The following UPP2 variants were observed in gnomAD, a reference collection of about 807,000 sequenced individuals.
UPP2 encodes UPase 2.
A neutral mutation model predicts 26.7 loss-of-function variants in UPP2; 23 were observed. The observed-to-expected ratio is 0.86, with a 90% CI of 0.62 to 1.22. The LOEUF (loss-of-function observed/expected upper bound fraction) is 1.22, where lower values mean the gene tolerates loss of function less well. Among genes scored for constraint, UPP2 ranks in the 50% most tolerant of loss-of-function variants. The probability of loss-of-function intolerance (pLI) is 0.00; values close to 1 mark genes in which losing one functional copy is unlikely to be tolerated. For synonymous variants in UPP2, 127 were observed against 141.3 expected (o/e 0.90, Z 0.72); for missense variants, 387 against 396.7 (o/e 0.98, Z 0.21).
At chr2:158,130,795 T>C (rs538435568) in intron 6 of UPP2, among the ~76,000 whole-genome samples, 1 of 152,264 alleles carries the variant, frequency 6.6e-6, no homozygotes, top group South Asian at 2.1e-4. Flanking sequence ...TGGGAAGATG[T>C]TTTCATGCAG....
chr2:158,101,867 T>C, upstream of UPP2: 1 of 1,345,050 alleles, frequency 7.4e-7, no homozygotes, highest in Non-Finnish European at 9.5e-7. Flanking sequence ...GGAGGACATC[T>C]TTTATTTGAT....
chr2:158,032,543 G>A (rs1683938015), intron 3 of UPP2, among the ~76,000 whole-genome samples: 1 of 152,132 alleles, frequency 6.6e-6, no homozygotes, highest in Non-Finnish European at 1.5e-5. Context: ...GAGGGCAGTG[G>A]CAGAGGAGGG....
upstream of UPP2, among the ~76,000 whole-genome samples, chr2:158,099,882 C>T (rs1683046629): frequency 6.6e-6 from 1 of 152,180 alleles, no homozygotes; most frequent in Non-Finnish European, 1.5e-5. Flanking sequence ...ATGCAAGACC[C>T]TCCTGATCAC....
At chr2:157,999,164 TTTG>T (rs370281626) in intron 2 of UPP2, among the ~76,000 whole-genome samples, 2,632 of 152,110 alleles carry the variant, frequency 0.017, 62 homozygotes, top group African/African-American at 0.051. Flanking sequence ...TTTGGGTCTT[TTTG>T]TTGTTGTTGT....
intron 3 of UPP2, among the ~76,000 whole-genome samples, chr2:158,021,646 A>G (rs1388285867): frequency 1.3e-5 from 2 of 152,242 alleles, no homozygotes; most frequent in Non-Finnish European, 2.9e-5. Context: ...ATTTAGATAG[A>G]TTTATCAAAG....
At position 158,003,790 on chromosome 2, in the gene UPP2, T is replaced by C. The variant is rs114895262; in HGVS notation, c.61+8531T>C. Among the ~76,000 whole-genome samples the C allele has an allele frequency of 8.8e-3, 1,343 of 151,976 alleles. 7 individuals are homozygous for C. The highest frequency in any genetic ancestry group is 0.015 in the Non-Finnish European group (1,013 of 67,984). On this transcript the variant is annotated intron_variant, in intron 2 of 9. Coordinates refer to the UPP2 transcript ENST00000605860. Reference sequence around the variant, plus strand: ...AATTGTAGATATTAGTACAACCTCATGGCTTTTAATATATGGGTATATAGA... The same window carrying C: ...AATTGTAGATATTAGTACAACCTCACGGCTTTTAATATATGGGTATATAGA...
intron 3 of UPP2, among the ~76,000 whole-genome samples, chr2:158,062,936 G>C (rs746745379): frequency 1.3e-5 from 2 of 152,086 alleles, no homozygotes; most frequent in African/African-American, 4.8e-5. Context: ...TATCTGATAC[G>C]TTTCAAGCAC....
At chr2:157,995,277 A>G (rs1408199161) in intron 2 of UPP2, 2 of 1,612,998 alleles carry the variant, frequency 1.2e-6, no homozygotes, top group Non-Finnish European at 1.7e-6. Context: ...AGGGAAGAGG[A>G]GAAATACATT....
chr2:158,107,460 C>A (rs1249211423), intron 2 of UPP2, among the ~76,000 whole-genome samples: 1 of 152,202 alleles, frequency 6.6e-6, no homozygotes, highest in African/African-American at 2.4e-5. Context: ...GGATTAAGTT[C>A]TTCCAAGTCC....
At chr2:158,091,729 G>A (rs1367874403) in intron 3 of UPP2, among the ~76,000 whole-genome samples, 1 of 152,116 alleles carries the variant, frequency 6.6e-6, no homozygotes, top group Non-Finnish European at 1.5e-5. Flanking sequence ...CTGGGGTGAC[G>A]AGGTGCCTGG....
intron 2 of UPP2, among the ~76,000 whole-genome samples, chr2:157,997,619 ATGTACCACATCC>A (rs1375899212): frequency 6.6e-6 from 1 of 152,182 alleles, no homozygotes; most frequent in Non-Finnish European, 1.5e-5. Flanking sequence ...AATTCAAAGC[ATGTACCACATCC>A]TGTTAAGACA....
chr2:158,118,387 G>T (rs1036622627), intron 4 of UPP2, among the ~76,000 whole-genome samples: 1 of 151,796 alleles, frequency 6.6e-6, no homozygotes, highest in South Asian at 2.1e-4. Flanking sequence ...CAGTTACTAC[G>T]TCACCTCTAC....
intron 2 of UPP2, among the ~76,000 whole-genome samples, chr2:158,009,412 T>C (rs1683542657): frequency 1.3e-5 from 2 of 152,320 alleles, no homozygotes; most frequent in Admixed American, 1.3e-4. Context: ...AACCCTTACA[T>C]AGACATCTAA....
At chr2:158,111,001 CTTTAGT>C (rs1683307890) in intron 2 of UPP2, among the ~76,000 whole-genome samples, 1 of 152,154 alleles carries the variant, frequency 6.6e-6, no homozygotes, top group African/African-American at 2.4e-5. Flanking sequence ...TGCAGAAGCT[CTTTAGT>C]TTAATTAGAT....
At chr2:158,022,713 C>CT (rs1683771678) in intron 3 of UPP2, among the ~76,000 whole-genome samples, 1 of 152,170 alleles carries the variant, frequency 6.6e-6, no homozygotes, top group South Asian at 2.1e-4. Context: ...CCAGGTTCTT[C>CT]TTTCCTCATC....
chr2:158,059,565 C>A (rs1298130923), intron 3 of UPP2, among the ~76,000 whole-genome samples: 1 of 152,144 alleles, frequency 6.6e-6, no homozygotes, highest in Non-Finnish European at 1.5e-5. Context: ...ACCTTGCTGG[C>A]ACAAAAAGAG....
chr2:158,049,118 C>A lies in UPP2; in HGVS notation c.147+33232C>A, dbSNP rs144990848. On this transcript the variant is annotated intron_variant, in intron 3 of 9. Coordinates refer to the UPP2 transcript ENST00000605860. ...TTGTTACCTGTTTGGTCCCTTAGGGCCTTACTAGGTGATTCTTACTAAAGC... is the reference window on the plus strand; with the variant it reads ...TTGTTACCTGTTTGGTCCCTTAGGGACTTACTAGGTGATTCTTACTAAAGC... Among the ~76,000 whole-genome samples, 8 of 152,268 alleles carry A rather than the reference C, an allele frequency of 5.3e-5. 1 individual carries two copies. The East Asian group carries it at 1.5e-3, about 29-fold the overall frequency.
chr2:158,092,947 T>C (rs1682932103), intron 3 of UPP2, among the ~76,000 whole-genome samples: 1 of 152,122 alleles, frequency 6.6e-6, no homozygotes, highest in Non-Finnish European at 1.5e-5. Context: ...TCATTTTTTT[T>C]TCTCACTTTG....
intron 3 of UPP2, among the ~76,000 whole-genome samples, chr2:158,093,630 A>G (rs890131503): frequency 5.9e-5 from 9 of 152,172 alleles, no homozygotes; most frequent in Admixed American, 4.6e-4. Flanking sequence ...TAATCTCACT[A>G]GTAATCAGGG....
Sources: allele counts gnomAD v4.1 joint callset (sites outside exome capture counted in the v4.1 genomes callset), GRCh38; gene constraint gnomAD v4.1.1; transcripts MANE v1.5; gene names NCBI Gene and HGNC (gene_info 2026-07-23, HGNC 2026-07-21).